The following BTBD7 variants were observed in gnomAD, a reference collection of about 807,000 sequenced individuals.
BTBD7 encodes the protein BTB domain containing 7, also known as BTB/POZ domain-containing protein 7.
A neutral mutation model predicts 99.9 loss-of-function variants in BTBD7; 38 were observed. That is an observed-to-expected ratio of 0.38 (90% CI 0.29 to 0.50). BTBD7 has a LOEUF of 0.50. BTBD7 is among the 20% of genes least tolerant of loss of function. BTBD7 has a pLI of 0.93. For missense variants in BTBD7, 1,170 were observed against 1,394.6 expected (o/e 0.84, Z 2.57); for synonymous variants, 520 against 511.4 (o/e 1.02, Z -0.23).
chr14:93,299,726 A>G (rs1346429424), intron 1 of BTBD7, among the ~76,000 whole-genome samples: 2 of 152,154 alleles, frequency 1.3e-5, no homozygotes, highest in Non-Finnish European at 2.9e-5. Flanking sequence ...GACATTTTTT[A>G]AAAAAGAGAA....
At chr14:93,292,070 C>T (rs1012366667) in intron 3 of BTBD7, among the ~76,000 whole-genome samples, 2 of 152,176 alleles carry the variant, frequency 1.3e-5, no homozygotes, top group African/African-American at 4.8e-5. Context: ...GCCTGTAATC[C>T]CAGCTACTCA....
intron 3 of BTBD7, among the ~76,000 whole-genome samples, chr14:93,287,262 A>C (rs866117364): frequency 2.4e-4 from 36 of 150,162 alleles, no homozygotes; most frequent in African/African-American, 9.0e-4. Context: ...TAATCAAAGT[A>C]GTATATGCTC....
At chr14:93,311,059 CTTTTA>C (rs2053131697) in intron 1 of BTBD7, among the ~76,000 whole-genome samples, 2 of 152,060 alleles carry the variant, frequency 1.3e-5, no homozygotes, top group South Asian at 4.1e-4. Context: ...TAATTTTTTA[CTTTTA>C]TTTACTAATT....
At chr14:93,273,966 A>T (rs1408891488) in intron 3 of BTBD7, among the ~76,000 whole-genome samples, 1 of 152,238 alleles carries the variant, frequency 6.6e-6, no homozygotes, top group Non-Finnish European at 1.5e-5. Flanking sequence ...CAGTTCATTC[A>T]GAACCCAGGG....
At chr14:93,269,077 TA>T (rs1189391073) in intron 3 of BTBD7, among the ~76,000 whole-genome samples, 1 of 152,136 alleles carries the variant, frequency 6.6e-6, no homozygotes, top group Non-Finnish European at 1.5e-5. Flanking sequence ...GGACTTTTAC[TA>T]ATCAATGCTC....
chr14:93,284,584 C>T (rs1228559257), intron 3 of BTBD7, among the ~76,000 whole-genome samples: 1 of 151,666 alleles, frequency 6.6e-6, no homozygotes, highest in Non-Finnish European at 1.5e-5. Context: ...CAAAGATGAC[C>T]AAGATTTTGA....
chr14:93,290,685 A>G (rs192739580), intron 3 of BTBD7, among the ~76,000 whole-genome samples: 1 of 144,476 alleles, frequency 6.9e-6, no homozygotes, highest in East Asian at 2.2e-4. Flanking sequence ...ACCCAGCTAA[A>G]TTTTTTTGTA....
chr14:93,314,389 C>T (rs1454545008), intron 1 of BTBD7, among the ~76,000 whole-genome samples: 1 of 152,122 alleles, frequency 6.6e-6, no homozygotes, highest in Non-Finnish European at 1.5e-5. Flanking sequence ...CTATTATGCA[C>T]TCATATGTAT....
chr14:93,293,510 T>C lies in BTBD7; in HGVS notation c.1162+348A>G, dbSNP rs10438209. Among the ~76,000 whole-genome samples, 1,172 of 152,308 alleles carry C rather than the reference T, an allele frequency of 7.7e-3. 28 individuals carry two copies. Among genetic ancestry groups the C allele is most frequent in the African/African-American group, 0.026 (1,099 of 41,586 alleles). On this transcript the variant is annotated intron_variant, in intron 3 of 10. Coordinates refer to ENST00000334746, the MANE Select transcript of BTBD7 (RefSeq NM_001002860.4). ...ATCAACAAGGTACTGAACATAAATA[T>C]GAGACTCAAAATGTGGGAAACTGGG...
intron 2 of BTBD7, 30 bp downstream of exon 2, chr14:93,295,940 G>A: frequency 6.2e-7 from 1 of 1,604,990 alleles, no homozygotes; most frequent in Non-Finnish European, 8.5e-7. Flanking sequence ...AGTCACAAAA[G>A]AAAATGAAGT....
chr14:93,294,497 G>A lies in BTBD7; in HGVS notation c.523C>T (p.Pro175Ser), dbSNP rs752595025. ...PFFKTLLSSS[P>S]EYGAEIIMDI... is the part of the protein sequence containing the mutation. ...ATTATTATCTCTGCCCCATACTCTG[G>A]TGAGGAAGAAAGCAGTGTTTTAAAA... The change falls in exon 3 of 11, where the codon CCA becomes TCA. Residue 175 changes from proline to serine, a missense_variant. Physicochemically the swap from Pro to Ser is moderately conservative, Grantham distance 74 (BLOSUM62 -1). This residue lies in a region of BTBD7 where 359 missense variants were observed against 497.9 expected (regional missense o/e 0.72). Transcript: ENST00000334746. 17 of 1,614,096 alleles carry A rather than the reference G, an allele frequency of 1.1e-5. No individual in the cohort carries two copies. The highest frequency in any genetic ancestry group is 3.3e-5 in the Admixed American group (2 of 60,008).
intron 1 of BTBD7, among the ~76,000 whole-genome samples, chr14:93,319,458 T>C (rs2053245423): frequency 6.6e-6 from 1 of 152,190 alleles, no homozygotes; most frequent in African/African-American, 2.4e-5. Context: ...GAAGGAAATA[T>C]GGTGACAACA....
At chr14:93,304,828 T>C (rs1223171067) in intron 1 of BTBD7, among the ~76,000 whole-genome samples, 1 of 152,202 alleles carries the variant, frequency 6.6e-6, no homozygotes, top group Non-Finnish European at 1.5e-5. Context: ...AGGGTATACT[T>C]CTTATTGATA....
intron 1 of BTBD7, among the ~76,000 whole-genome samples, chr14:93,307,640 T>A (rs2139797010): frequency 6.6e-6 from 1 of 152,334 alleles, no homozygotes; most frequent in South Asian, 2.1e-4. Context: ...TGTTTCATAC[T>A]CTCATTTTTA....
At chr14:93,298,314 G>GA (rs1392154467) in intron 1 of BTBD7, among the ~76,000 whole-genome samples, 1 of 152,162 alleles carries the variant, frequency 6.6e-6, no homozygotes, top group African/African-American at 2.4e-5. Context: ...TCCCTAATCA[G>GA]AAAATCCCAA....
At chr14:93,243,904 A>G (rs1247603912) in intron 10 of BTBD7, 1 of 159,870 alleles carries the variant, frequency 6.3e-6, no homozygotes, top group African/African-American at 2.4e-5. Context: ...TGGTTTATCA[A>G]ACATGACCAA....
chr14:93,246,154 CAA>C lies in BTBD7; in HGVS notation c.2252_2253del (p.Phe751CysfsTer23), dbSNP rs1566833737. On this transcript the variant is annotated frameshift_variant, in exon 10 of 11. Transcript: ENST00000334746. LOFTEE classifies it high-confidence loss of function. Reference sequence around the variant, plus strand: ...GGGGGCAAGGGTGGATGGAAGGCCACAAAAGAGTCCAGATCTGTAAACATGGT... The same window carrying C: ...GGGGGCAAGGGTGGATGGAAGGCCACAAGAGTCCAGATCTGTAAACATGGT... ...AETMFTDLDS[F>X]VAFHPPLPPP... is the part of the protein sequence containing the mutation. 2 of 1,613,896 alleles carry C rather than the reference CAA, an allele frequency of 1.2e-6. No homozygotes were observed. Among genetic ancestry groups the C allele is most frequent in the Admixed American group, 1.7e-5 (1 of 60,006 alleles).
chr14:93,297,304 T>G (rs1433667388), intron 1 of BTBD7, among the ~76,000 whole-genome samples: 1 of 152,252 alleles, frequency 6.6e-6, no homozygotes, highest in East Asian at 1.9e-4. Context: ...CTACAATCTT[T>G]TATAGACTAT....
chr14:93,288,299 G>A (rs916350689), intron 3 of BTBD7: 29 of 580,544 alleles, frequency 5.0e-5, no homozygotes, highest in Non-Finnish European at 8.4e-5. Context: ...TTAGACCCTG[G>A]ATGAATACTC....
Sources: allele counts gnomAD v4.1 joint callset (sites outside exome capture counted in the v4.1 genomes callset), GRCh38; gene constraint gnomAD v4.1.1; regional missense constraint gnomAD v4.1.1; transcripts MANE v1.5; gene names NCBI Gene and HGNC (gene_info 2026-07-23, HGNC 2026-07-21).